Variants in PDE12 observed in about 807,000 individuals in gnomAD.
PDE12 encodes the protein phosphodiesterase 12.
PDE12 carries 26 observed loss-of-function variants against 45.4 expected under a neutral mutation model. The observed-to-expected ratio is 0.57, with a 90% CI of 0.42 to 0.79. PDE12 has a LOEUF of 0.79. Ranked by LOEUF, PDE12 falls within the 30% of genes least tolerant of loss-of-function variation. The pLI is 0.00. For missense variants in PDE12, 668 were observed against 790.0 expected (o/e 0.85, Z 1.85); for synonymous variants, 283 against 323.9 (o/e 0.87, Z 1.36).
chr3:57,556,665 A>C lies in PDE12; in HGVS notation c.286A>C (p.Arg96=), dbSNP rs1309698691. 1.2e-6 allele frequency: 2 copies of C among 1,600,034 alleles called. No homozygotes were observed. Among genetic ancestry groups the C allele is most frequent in the Middle Eastern group, 3.3e-4 (2 of 6,008 alleles). ...HAKAAAAKKS[R]KSRPNASGGA... ...TAAGGCGGCCGCCGCCAAGAAGAGC[A>C]GGAAGAGCCGGCCGAATGCTAGCGG... The change falls in exon 1 of 3, where the codon AGG becomes CGG. Residue 96 remains arginine, a synonymous_variant. Transcript: ENST00000311180. The surrounding 1 kb of genome is among the most constrained non-coding windows in gnomAD (Gnocchi z 5.0).
chr3:57,628,338 G>A, the PDE12 span: 43 of 1,613,578 alleles, frequency 2.7e-5, no homozygotes, highest in Non-Finnish European at 3.5e-5. Flanking sequence ...CTCTCGATCA[G>A]CCTGCAACTA....
rs2069738178 is a variant in PDE12, at chr3:57,562,484, G to T, written c.*2480G>T. 1 of 152,098 alleles carries T rather than the reference G, an allele frequency of 6.6e-6. No individual in the cohort carries two copies. The highest frequency in any genetic ancestry group is 2.1e-4 in the South Asian group (1 of 4,832). The allele number at this position is 152,098 out of a possible 1,614,324, so 9.4% of individuals were successfully genotyped here. A position where few individuals can be genotyped will look rare whatever the true frequency, so the allele number is the denominator to read the frequency against. ...GTATAAATAGCATACACATTTCTTT[G>T]TACTCATGAGTTAGAATGCAGTGTT... On this transcript the variant is annotated 3_prime_UTR_variant, in exon 3 of 3. Transcript: ENST00000311180.
the PDE12 span, among the ~76,000 whole-genome samples, chr3:57,613,900 CAAAAAAAAAAAA>C: frequency 1.7e-5 from 1 of 59,454 alleles, no homozygotes; most frequent in East Asian, 5.4e-4. Context: ...GACTCCATCT[CAAAAAAAAAAAA>C]AAAAAAAAAA....
At chr3:57,558,763 TACA>T (rs1179782928) in intron 1 of PDE12, among the ~76,000 whole-genome samples, 2 of 151,718 alleles carry the variant, frequency 1.3e-5, no homozygotes, top group Admixed American at 1.3e-4. Context: ...GTGCTGGGAT[TACA>T]GGCGTGAGCC....
chr3:57,608,726 A>G, the PDE12 span, among the ~76,000 whole-genome samples: 25 of 152,168 alleles, frequency 1.6e-4, no homozygotes, highest in African/African-American at 5.8e-4. Flanking sequence ...AGGAGCACCC[A>G]GATTCATAAA....
chr3:57,617,587 G>T, the PDE12 span, among the ~76,000 whole-genome samples: 3 of 152,056 alleles, frequency 2.0e-5, no homozygotes, highest in African/African-American at 7.2e-5. Context: ...ATAGGGCCAG[G>T]CTCGGTGGCT....
chr3:57,619,884 A>T, the PDE12 span, among the ~76,000 whole-genome samples: 1 of 144,658 alleles, frequency 6.9e-6, no homozygotes, highest in African/African-American at 2.4e-5. Context: ...AAAAAATAAA[A>T]AAAAGAACAT....
At chr3:57,639,262 T>A in the PDE12 span, among the ~76,000 whole-genome samples, 35 of 152,306 alleles carry the variant, frequency 2.3e-4, no homozygotes, top group Non-Finnish European at 4.1e-4. Context: ...AATGACAACA[T>A]CAAATGTTGG....
rs1404367655 is a variant in PDE12, at chr3:57,559,339, T to C, written c.1338T>C (p.Ser446=). ...CAGTTCTTCAGTCTACAAAGGACTC[T>C]TCTAAAAGGATATGTGTTGCTAATA... is the stretch of plus-strand genomic sequence containing the variant. The part of the protein sequence containing the change: ...QVSVLQSTKD[S]SKRICVANTH... The change falls in exon 2 of 3, where the codon TCT becomes TCC. Residue 446 remains serine, a synonymous_variant. Transcript: ENST00000311180. 2.5e-6 allele frequency: 4 copies of C among 1,613,208 alleles called. No individual in the cohort carries two copies. Among genetic ancestry groups the C allele is most frequent in the Non-Finnish European group, 3.4e-6 (4 of 1,179,178 alleles).
At chr3:57,603,109 G>A in the PDE12 span, among the ~76,000 whole-genome samples, 10 of 151,846 alleles carry the variant, frequency 6.6e-5, no homozygotes, top group African/African-American at 2.4e-4. Context: ...GGAGGTTGCA[G>A]TGAGCCAAGA....
chr3:57,559,696 T>A lies in PDE12; in HGVS notation c.1522T>A (p.Phe508Ile). The stretch of plus-strand genomic sequence containing the variant: ...TACACCATCAACAGGAATGTATCAT[T>A]TTGTCATCAATGGCAGCATTCCAGA... ...NSTPSTGMYHFVINGSIPEDH... is the reference protein window; with the variant it reads ...NSTPSTGMYHIVINGSIPEDH... Residue 508 changes from phenylalanine (F) to isoleucine (I), a missense_variant, in exon 3 of 3, where the codon TTT becomes ATT. Coordinates refer to ENST00000311180, the MANE Select transcript of PDE12 (RefSeq NM_177966.7). 6.2e-7 allele frequency: 1 copy of A among 1,614,200 alleles called. No homozygotes were observed.
At chr3:57,643,579 G>A in the PDE12 span, among the ~76,000 whole-genome samples, 5 of 152,040 alleles carry the variant, frequency 3.3e-5, no homozygotes, top group African/African-American at 1.2e-4. Context: ...TGTAATCCCA[G>A]CACTTTGGGA....
the PDE12 span, chr3:57,575,464 A>G: frequency 7.5e-7 from 1 of 1,342,214 alleles, no homozygotes; most frequent in Non-Finnish European, 1.0e-6. Context: ...GAGATAATAA[A>G]TGTTTAAACT....
At chr3:57,624,062 A>C in the PDE12 span, among the ~76,000 whole-genome samples, 1 of 152,078 alleles carries the variant, frequency 6.6e-6, no homozygotes, top group Non-Finnish European at 1.5e-5. Flanking sequence ...ATCACAGCTC[A>C]CTGCAGCCTC....
the PDE12 span, among the ~76,000 whole-genome samples, chr3:57,589,865 G>A: frequency 6.6e-6 from 1 of 151,556 alleles, no homozygotes; most frequent in African/African-American, 2.4e-5. Context: ...GGCCGAGGAG[G>A]GTGGATCATG....
chr3:57,557,714 C>T, intron 1 of PDE12, 27 bp downstream of exon 1: 1 of 1,586,556 alleles, frequency 6.3e-7, no homozygotes, highest in South Asian at 1.1e-5. Flanking sequence ...CGTCTCTTCA[C>T]ATACTGTCCC....
At chr3:57,592,715 T>TAAAAAAAGGCAAAAAAAA in the PDE12 span, among the ~76,000 whole-genome samples, 8 of 152,212 alleles carry the variant, frequency 5.3e-5, no homozygotes, top group South Asian at 2.1e-4. Flanking sequence ...TATCAGCCAG[T>TAAAAAAAGGCAAAAAAAA]GGCATGAAAC....
rs2069756277 is a variant in PDE12, at chr3:57,564,196, T to C, written c.*4192T>C. On this transcript the variant is annotated 3_prime_UTR_variant, in exon 3 of 3. Coordinates refer to ENST00000311180, the MANE Select transcript of PDE12 (RefSeq NM_177966.7). ...TGCCTGCCTCAGCCTCTGAAAGTGCTGGGATTACAGGCATGAGCCACGGTA... is the reference window on the plus strand; with the variant it reads ...TGCCTGCCTCAGCCTCTGAAAGTGCCGGGATTACAGGCATGAGCCACGGTA... 1 of 152,216 alleles carries C rather than the reference T, an allele frequency of 6.6e-6. No homozygotes were observed. The highest frequency in any genetic ancestry group is 2.4e-5 in the African/African-American group (1 of 41,446). The allele number at this position is 152,216 out of a possible 1,614,324, so 9.4% of individuals were successfully genotyped here.
the PDE12 span, among the ~76,000 whole-genome samples, chr3:57,616,392 GAGAAGA>G: frequency 2.8e-5 from 4 of 144,172 alleles, no homozygotes; most frequent in Non-Finnish European, 6.2e-5. Context: ...GGAGGAGAAG[GAGAAGA>G]AGAAGAGGCG....
Sources: gnomAD v4.1 joint callset for allele counts (sites outside exome capture counted in the v4.1 genomes callset) on GRCh38, gnomAD v4.1.1 for gene constraint, Gnocchi (gnomAD v3.1) non-coding constraint, MANE v1.5 for transcripts, NCBI Gene and HGNC (gene_info 2026-07-23, HGNC 2026-07-21) for gene names.